SMCHD1: variants seen among roughly 807,000 people sequenced by gnomAD.
SMCHD1 encodes structural maintenance of chromosomes flexible hinge domain-containing protein 1.
SMCHD1 carries 78 observed loss-of-function variants against 254.7 expected under a neutral mutation model. That is an observed-to-expected ratio of 0.31 (90% confidence interval 0.26 to 0.37). The LOEUF (loss-of-function observed/expected upper bound fraction) is 0.37. Among genes scored for constraint, SMCHD1 ranks in the 10% least tolerant of loss-of-function variants. The pLI is 1.00. For synonymous variants in SMCHD1, 766 were observed against 794.9 expected (o/e 0.96, Z 0.61); for missense variants, 1,840 against 2,408.1 (o/e 0.76, Z 4.94).
At chr18:2,673,782 T>A (rs113741540) in intron 4 of SMCHD1, among the ~76,000 whole-genome samples, 101 of 152,338 alleles carry the variant, frequency 6.6e-4, no homozygotes, top group African/African-American at 2.4e-3. Context: ...TCTCTGAATA[T>A]TTCCTTAAGT....
At chr18:2,789,449 A>G (rs1342602409) in intron 45 of SMCHD1, among the ~76,000 whole-genome samples, 1 of 152,196 alleles carries the variant, frequency 6.6e-6, no homozygotes, top group Non-Finnish European at 1.5e-5. Context: ...TAAAAATACA[A>G]ATATCACACG....
chr18:2,678,060 C>T (rs1031272900), intron 5 of SMCHD1, among the ~76,000 whole-genome samples: 1 of 152,176 alleles, frequency 6.6e-6, no homozygotes, highest in East Asian at 1.9e-4. Context: ...TGTTCTCCTC[C>T]CACTTTCGTG....
intron 44 of SMCHD1, among the ~76,000 whole-genome samples, chr18:2,784,050 G>A (rs1429038743): frequency 1.1e-4 from 16 of 152,126 alleles, no homozygotes; most frequent in Admixed American, 1.0e-3. Flanking sequence ...TTTCTTCAAT[G>A]TAATATTCTC....
chr18:2,770,097 A>G lies in SMCHD1; in HGVS notation c.4955A>G (p.Asn1652Ser). 6.3e-7 allele frequency: 1 copy of G among 1,598,964 alleles called. No individual in the cohort carries two copies. The highest frequency in any genetic ancestry group is 8.5e-7 in the Non-Finnish European group (1 of 1,176,498). ...SLFEASQQLL[N>S]EMKCQVEEAR... Reference sequence around the variant, plus strand: ...TTTGAAGCCAGCCAACAGCTTCTTAATGAAATGAAATGTAAGTCATTTTGT... The same window carrying G: ...TTTGAAGCCAGCCAACAGCTTCTTAGTGAAATGAAATGTAAGTCATTTTGT... Residue 1652 changes from asparagine (N) to serine (S), a missense_variant, in exon 39 of 48, where the codon AAT becomes AGT. Asn to Ser is a conservative substitution (Grantham distance 46). Coordinates refer to ENST00000320876, the MANE Select transcript of SMCHD1 (RefSeq NM_015295.3).
rs563941450 is a variant in SMCHD1 at position 2,684,939 on chromosome 18, T to A, written c.639-3455T>A. Among the ~76,000 whole-genome samples the A allele has an allele frequency of 1.2e-4, 19 of 152,190 alleles. 1 individual carries two copies. In the South Asian group the frequency reaches 3.7e-3, roughly 30 times the overall value. ...TGTTTTTGTACATTTTACTTTGGCA[T>A]AAATGTCAAAGTACAGTATTGTTAT... On this transcript the variant is annotated intron_variant, in intron 5 of 47. Transcript: ENST00000320876.
At chr18:2,686,223 A>G (rs2074048916) in intron 5 of SMCHD1, among the ~76,000 whole-genome samples, 1 of 152,216 alleles carries the variant, frequency 6.6e-6, no homozygotes, top group East Asian at 1.9e-4. Context: ...ATTCAAAAAT[A>G]CAAAATCTGA....
intron 25 of SMCHD1, among the ~76,000 whole-genome samples, chr18:2,734,203 C>T (rs1351551437): frequency 6.6e-6 from 1 of 152,050 alleles, no homozygotes; most frequent in Non-Finnish European, 1.5e-5. Context: ...GGAGGTAAGC[C>T]ATTTTTATCT....
At chr18:2,673,916 TAA>T (rs2073679171) in intron 4 of SMCHD1, 97 bp from the exon 5 acceptor site, 1 of 1,203,668 alleles carries the variant, frequency 8.3e-7, no homozygotes, top group Admixed American at 2.7e-5. Context: ...CAGTAATGTA[TAA>T]GTGAGCCTGT....
At chr18:2,705,094 C>G (rs1019803686) in intron 13 of SMCHD1, among the ~76,000 whole-genome samples, 6 of 152,040 alleles carry the variant, frequency 3.9e-5, no homozygotes, top group Non-Finnish European at 7.4e-5. Context: ...AGGTTAAGTG[C>G]AGAAAAACAG....
At chr18:2,721,311 A>G (rs1568232358) in intron 19 of SMCHD1, among the ~76,000 whole-genome samples, 1 of 152,068 alleles carries the variant, frequency 6.6e-6, no homozygotes, top group East Asian at 1.9e-4. Flanking sequence ...AGTCATTGTT[A>G]CAGGGTTTTT....
chr18:2,784,927 C>T (rs1287073213), intron 45 of SMCHD1: 3 of 413,452 alleles, frequency 7.3e-6, no homozygotes, highest in East Asian at 7.0e-5. Flanking sequence ...GCCTGGGCAA[C>T]GTAGCAAGAC....
At chr18:2,694,837 T>G (rs918517656) in intron 8 of SMCHD1, 144 bp downstream of exon 8, 1 of 661,822 alleles carries the variant, frequency 1.5e-6, no homozygotes, top group Admixed American at 3.1e-5. Context: ...TACTCTGATA[T>G]TGGTGTTAAA....
At chr18:2,657,875 C>T (rs888958972) in intron 1 of SMCHD1, among the ~76,000 whole-genome samples, 1 of 151,766 alleles carries the variant, frequency 6.6e-6, no homozygotes, top group Admixed American at 6.6e-5. Context: ...CAAATATTCC[C>T]GGGCTCAGGT....
intron 23 of SMCHD1, among the ~76,000 whole-genome samples, chr18:2,728,999 C>T (rs1011740606): frequency 2.0e-5 from 3 of 149,154 alleles, no homozygotes; most frequent in Non-Finnish European, 3.0e-5. Flanking sequence ...GGTAAAAGAC[C>T]GCAGAAAGAA....
chr18:2,698,715 A>G (rs559526881), intron 10 of SMCHD1, among the ~76,000 whole-genome samples: 1 of 151,142 alleles, frequency 6.6e-6, no homozygotes, highest in East Asian at 1.9e-4. Flanking sequence ...TTTAACAATT[A>G]TTTTCTATGT....
chr18:2,770,153 G>C (rs1235149230), intron 39 of SMCHD1, 45 bp downstream of exon 39: 4 of 1,576,148 alleles, frequency 2.5e-6, no homozygotes, highest in African/African-American at 2.7e-5. Flanking sequence ...TTTGGGGAAT[G>C]ATGAGGCAGG....
At chr18:2,760,192 A>G (rs2143680255) in intron 34 of SMCHD1, among the ~76,000 whole-genome samples, 1 of 152,332 alleles carries the variant, frequency 6.6e-6, no homozygotes, top group African/African-American at 2.4e-5. Context: ...ATTATTGGTA[A>G]TTGATTCACA....
intron 45 of SMCHD1, among the ~76,000 whole-genome samples, chr18:2,791,447 G>A (rs575160665): frequency 2.0e-5 from 3 of 152,134 alleles, no homozygotes; most frequent in South Asian, 4.2e-4. Context: ...CTGGTGGCTC[G>A]CTCCTTTAGT....
chr18:2,692,590 T>C (rs981127185), intron 7 of SMCHD1, among the ~76,000 whole-genome samples: 2 of 152,200 alleles, frequency 1.3e-5, no homozygotes, highest in African/African-American at 4.8e-5. Flanking sequence ...TTTCCACTGC[T>C]CTAATTCAGC....
Sources: gnomAD v4.1 joint callset for allele counts (sites outside exome capture counted in the v4.1 genomes callset) on GRCh38, gnomAD v4.1.1 for gene constraint, MANE v1.5 for transcripts, NCBI Gene and HGNC (gene_info 2026-07-23, HGNC 2026-07-21) for gene names.